The following TTC5 variants were observed in gnomAD, a reference collection of about 807,000 sequenced individuals.
TTC5 encodes tetratricopeptide repeat protein 5.
A neutral mutation model predicts 57.4 loss-of-function variants in TTC5; 46 were observed. The ratio of observed to expected loss-of-function variants is 0.80; its 90% confidence interval spans 0.63 to 1.03. The LOEUF is 1.03. Among genes scored for constraint, TTC5 ranks in the 50% least tolerant of loss-of-function variants. The pLI is 0.00. For synonymous variants in TTC5, 190 were observed against 203.5 expected, an observed-to-expected ratio of 0.93 and a Z score of 0.57; for missense variants, 504 against 528.1, an observed-to-expected ratio of 0.95 and a Z score of 0.45.
Position 20,295,533 on chromosome 14 carries a change from A to G in TTC5, c.844-7T>C. 1 of 1,606,316 alleles carries G rather than the reference A, an allele frequency of 6.2e-7. No individual in the cohort carries two copies. The highest frequency in any genetic ancestry group is 8.5e-7 in the Non-Finnish European group (1 of 1,174,434). On this transcript the variant is annotated splice_region_variant and splice_polypyrimidine_tract_variant and intron_variant, in intron 7 of 9. Coordinates refer to ENST00000258821, the MANE Select transcript of TTC5 (RefSeq NM_138376.3). Reference sequence around the variant, plus strand: ...TTTTGGTCTTCACCTTTCCCTGCAAAGAAGGGGAAATAGGTAAGAAGCTGG... The same window carrying G: ...TTTTGGTCTTCACCTTTCCCTGCAAGGAAGGGGAAATAGGTAAGAAGCTGG...
chr14:20,299,475 A>G (rs781009453), intron 3 of TTC5, 27 bp from the exon 4 acceptor site: 14 of 1,609,818 alleles, frequency 8.7e-6, no homozygotes, highest in South Asian at 5.5e-5. Context: ...CACATACTCA[A>G]TCTTCCTGAT....
At position 20,286,305 on chromosome 14, in the gene TTC5, G is replaced by A. The variant is rs1241457469; in HGVS notation, c.*3322C>T. The A allele has an allele frequency of 2.0e-5, 3 of 151,890 alleles. No individual in the cohort carries two copies. The highest frequency in any genetic ancestry group is 4.8e-5 in the African/African-American group (2 of 41,362). 9.4% of individuals were successfully genotyped at this position (151,890 alleles called of 1,614,324 possible). ...AGAACATGTAAGGAATCAATAAGAA[G>A]ACAACCCAATAAAAATTGGACAAAA... On this transcript the variant is annotated 3_prime_UTR_variant, in exon 10 of 10. Coordinates refer to ENST00000258821, the MANE Select transcript of TTC5 (RefSeq NM_138376.3).
chr14:20,299,019 A>G, intron 4 of TTC5, 131 bp from the exon 5 acceptor site: 1 of 783,418 alleles, frequency 1.3e-6, no homozygotes, highest in Non-Finnish European at 2.1e-6. Flanking sequence ...GATACTTAGT[A>G]TACCCAAAAC....
chr14:20,298,736 GA>G (rs1487654890), intron 5 of TTC5, 60 bp downstream of exon 5: 1 of 1,230,264 alleles, frequency 8.1e-7, no homozygotes, highest in Non-Finnish European at 1.2e-6. Context: ...AAAGAAGACT[GA>G]ACAATGCTCT....
rs556970179 is a variant in TTC5 at position 20,305,942 on chromosome 14, C to G, written c.-5G>C. On this transcript the variant is annotated 5_prime_UTR_variant, in exon 1 of 10. Transcript: ENST00000258821. ...TTCCTCTTCATCAGCCATCATCTCCCGGCCACTCCACCCCCAACTTTATAA... is the reference window on the plus strand; with the variant it reads ...TTCCTCTTCATCAGCCATCATCTCCGGGCCACTCCACCCCCAACTTTATAA... 4.3e-6 allele frequency: 7 copies of G among 1,614,058 alleles called. No homozygotes were observed. The highest frequency in any genetic ancestry group is 5.1e-6 in the Non-Finnish European group (6 of 1,179,986).
At chr14:20,305,781 G>T in intron 1 of TTC5, 106 bp downstream of exon 1, 1 of 1,158,612 alleles carries the variant, frequency 8.6e-7, no homozygotes, top group Non-Finnish European at 1.3e-6. Flanking sequence ...ACAGACGCAC[G>T]CAGCTTCGCG....
At chr14:20,291,930 T>C in intron 9 of TTC5, 53 bp downstream of exon 9, 1 of 1,427,098 alleles carries the variant, frequency 7.0e-7, no homozygotes, top group Non-Finnish European at 9.2e-7. Context: ...AAGATAAGCT[T>C]GGTTCTACTT....
At chr14:20,298,749 G>C (rs747834617) in intron 5 of TTC5, 48 bp downstream of exon 5, 1 of 1,323,502 alleles carries the variant, frequency 7.6e-7, no homozygotes, top group Admixed American at 1.7e-5. Flanking sequence ...CAATGCTCTT[G>C]CTTCTGTTGT....
intron 8 of TTC5, chr14:20,294,105 A>G (rs1282887356): frequency 6.6e-6 from 1 of 152,350 alleles, no homozygotes; most frequent in East Asian, 1.9e-4. Flanking sequence ...CAATCAAGCA[A>G]AGCACTCTCC....
chr14:20,302,085 G>T, intron 1 of TTC5, 120 bp from the exon 2 acceptor site: 2 of 1,073,020 alleles, frequency 1.9e-6, no homozygotes, highest in Non-Finnish European at 2.7e-6. Context: ...ACCTATGAAT[G>T]GCACAATAGG....
chr14:20,293,188 A>G (rs1200472328), intron 8 of TTC5: 2 of 152,256 alleles, frequency 1.3e-5, no homozygotes, highest in Non-Finnish European at 2.9e-5. Context: ...GATATGTAAT[A>G]AGCTAAGTAA....
Position 20,287,245 on chromosome 14 carries a change from T to TA in TTC5, c.*2381dup, listed in dbSNP as rs1228721076. The TA allele has an allele frequency of 6.6e-6, 1 of 152,214 alleles. No individual in the cohort carries two copies. Among genetic ancestry groups the TA allele is most frequent in the South Asian group, 2.1e-4 (1 of 4,828 alleles). The allele number at this position is 152,214 out of a possible 1,614,324, so 9.4% of individuals were successfully genotyped here. A position where few individuals can be genotyped will look rare whatever the true frequency, so the allele number is the denominator to read the frequency against. On this transcript the variant is annotated 3_prime_UTR_variant, in exon 10 of 10. Coordinates refer to ENST00000258821, the MANE Select transcript of TTC5 (RefSeq NM_138376.3). ...TCCTCCCACATAGTTTTGAATTCAG[T>TA]AAGTCTGGGTAGGGGGCTTGAGAAT...
At position 20,286,747 on chromosome 14, in the gene TTC5, A is replaced by T. The variant is rs1228322280; in HGVS notation, c.*2880T>A. 3.1e-5 allele frequency: 1 copy of T among 32,776 alleles called. No individual in the cohort carries two copies. Among genetic ancestry groups the T allele is most frequent in the Non-Finnish European group, 9.4e-5 (1 of 10,636 alleles). 2.0% of individuals were successfully genotyped at this position (32,776 alleles called of 1,614,324 possible). A position where few individuals can be genotyped will look rare whatever the true frequency, so the allele number is the denominator to read the frequency against. On this transcript the variant is annotated 3_prime_UTR_variant, in exon 10 of 10. Coordinates refer to ENST00000258821, the MANE Select transcript of TTC5 (RefSeq NM_138376.3). ...TGTTCAGCAAAAGACCCAATAGAATAAAAAAAAAAACAGGATAAAACTGTA... is the reference window on the plus strand; with the variant it reads ...TGTTCAGCAAAAGACCCAATAGAATTAAAAAAAAAACAGGATAAAACTGTA...
rs1215176307 is a variant in TTC5, at chr14:20,299,278, G to C, written c.547+20C>G. 9 of 1,608,890 alleles carry C rather than the reference G, an allele frequency of 5.6e-6. No homozygotes were observed. Among genetic ancestry groups the C allele is most frequent in the Admixed American group, 3.3e-5 (2 of 59,776 alleles). On this transcript the variant is annotated intron_variant, in intron 4 of 9. Coordinates refer to ENST00000258821, the MANE Select transcript of TTC5 (RefSeq NM_138376.3). ...ACATCTGCTCTAGAAACCTGTTGGA[G>C]ATCTTTTGAGAGCACTCACACCAGG... is the stretch of plus-strand genomic sequence containing the variant.
chr14:20,295,879 A>T (rs749616997), intron 6 of TTC5, 25 bp from the exon 7 acceptor site: 20 of 1,549,428 alleles, frequency 1.3e-5, no homozygotes, highest in East Asian at 2.3e-5. Context: ...TATCCCAATT[A>T]TAAGTATATC....
At chr14:20,301,645 G>A (rs1269879414) in intron 2 of TTC5, among the ~76,000 whole-genome samples, 188 bp downstream of exon 2, 1 of 152,222 alleles carries the variant, frequency 6.6e-6, no homozygotes. Context: ...CATGCCATTT[G>A]CTATAATCAA....
At chr14:20,290,765 T>C (rs1881936946) in intron 9 of TTC5, among the ~76,000 whole-genome samples, 1 of 152,198 alleles carries the variant, frequency 6.6e-6, no homozygotes, top group African/African-American at 2.4e-5. Context: ...ATTTTTTTTC[T>C]ATTATAAAAG....
At chr14:20,294,210 T>C (rs1188001517) in intron 8 of TTC5, 1 of 152,064 alleles carries the variant, frequency 6.6e-6, no homozygotes, top group Admixed American at 6.5e-5. Flanking sequence ...GCCATCCTGA[T>C]ATAAAGAGAA....
intron 3 of TTC5, 92 bp downstream of exon 3, chr14:20,300,515 T>C: frequency 8.9e-7 from 1 of 1,122,158 alleles, no homozygotes; most frequent in South Asian, 1.5e-5. Flanking sequence ...ATTTCAGTTC[T>C]ACTCTGGTAT....
Sources: gnomAD v4.1 joint callset for allele counts (sites outside exome capture counted in the v4.1 genomes callset) on GRCh38, gnomAD v4.1.1 for gene constraint, MANE v1.5 for transcripts, NCBI Gene and HGNC (gene_info 2026-07-23, HGNC 2026-07-21) for gene names.